The following KLHL13 variants were observed in gnomAD, a reference collection of about 807,000 sequenced individuals.
The protein encoded by KLHL13 is kelch like family member 13.
Under a neutral mutation model 37.1 loss-of-function variants are expected in KLHL13, and 10 were observed. The observed-to-expected ratio is 0.27, with a 90% CI of 0.17 to 0.46. The LOEUF is 0.46. Ranked by LOEUF, KLHL13 falls within the 20% of genes least tolerant of loss-of-function variation. The probability of loss-of-function intolerance (pLI) is 1.00; values close to 1 mark genes in which losing one functional copy is unlikely to be tolerated. For synonymous variants in KLHL13, 163 were observed against 181.2 expected, an observed-to-expected ratio of 0.90 and a Z score of 0.81; for missense variants, 360 against 509.3, an observed-to-expected ratio of 0.71 and a Z score of 2.82.
intron 4 of KLHL13, among the ~76,000 whole-genome samples, chrX:117,912,221 T>C (rs944070711): frequency 2.7e-5 from 3 of 111,915 alleles, no homozygotes; most frequent in Non-Finnish European, 5.6e-5. Context: ...AGATGTTTAT[T>C]AGTACAGTTA....
intron 1 of KLHL13, among the ~76,000 whole-genome samples, chrX:117,956,242 T>C (rs976301006): frequency 8.9e-6 from 1 of 112,224 alleles, no homozygotes; most frequent in African/African-American, 3.2e-5. Context: ...CATCATTACC[T>C]AAAATATTAA....
intron 1 of KLHL13, among the ~76,000 whole-genome samples, chrX:118,113,724 C>T (rs781316187): frequency 1.8e-5 from 2 of 112,014 alleles, no homozygotes; most frequent in East Asian, 5.6e-4. Context: ...ATCATATTCC[C>T]CTACTTATTT....
At chrX:118,072,061 A>G (rs1450538616) in intron 1 of KLHL13, among the ~76,000 whole-genome samples, 3 of 109,052 alleles carry the variant, frequency 2.8e-5, no homozygotes, top group East Asian at 2.9e-4. Context: ...GAGGCATCAC[A>G]CTACCTGACT....
At chrX:117,965,541 C>A (rs1436125047) in intron 1 of KLHL13, among the ~76,000 whole-genome samples, 2 of 111,493 alleles carry the variant, frequency 1.8e-5, no homozygotes, top group African/African-American at 6.5e-5. Context: ...GGAATCCTCC[C>A]TAACTCATTT....
chrX:117,968,257 T>C (rs1025325730), intron 1 of KLHL13, among the ~76,000 whole-genome samples: 27 of 111,868 alleles, frequency 2.4e-4, no homozygotes, highest in African/African-American at 8.4e-4. Context: ...GGAAAAGCTG[T>C]CCATGAATGG....
At chrX:117,972,608 T>C (rs1482658074) in intron 1 of KLHL13, 8 of 501,569 alleles carry the variant, frequency 1.6e-5, no homozygotes, top group African/African-American at 2.4e-5. Context: ...GTAAGCAAGC[T>C]TGAGGTTTTT....
chrX:117,961,087 G>T (rs377187019), intron 1 of KLHL13, among the ~76,000 whole-genome samples: 1 of 111,419 alleles, frequency 9.0e-6, no homozygotes, highest in South Asian at 3.7e-4. Context: ...TTGCAAAATC[G>T]ATGTAATCAA....
intron 1 of KLHL13, among the ~76,000 whole-genome samples, chrX:118,005,288 C>G (rs2053969064): frequency 2.7e-5 from 3 of 111,397 alleles, no homozygotes; most frequent in Admixed American, 9.6e-5. Context: ...ATGGAGGGCA[C>G]TGGGACAAAG....
intron 1 of KLHL13, among the ~76,000 whole-genome samples, chrX:117,970,022 A>T (rs141360551): frequency 0.036 from 3,981 of 111,768 alleles, 175 homozygotes; most frequent in African/African-American, 0.12. Context: ...TCACTAGCAC[A>T]GCAGTACTGC....
In KLHL13 at chrX:117,930,242, G is replaced by GGA. The variant is rs1932345542; in HGVS notation, c.241-9873_241-9872insTC. 1.4e-3 allele frequency among the ~76,000 whole-genome samples: 88 copies of GGA among 62,988 alleles called. 2 individuals carry two copies. The highest frequency in any genetic ancestry group is 6.5e-3 in the African/African-American group (83 of 12,736). 54.7% of individuals were successfully genotyped at this position (62,988 alleles called of 115,157 possible). On this transcript the variant is annotated intron_variant, in intron 2 of 6. Transcript: ENST00000262820. Reference sequence around the variant, plus strand: ...GAAGGAAGGAAGGAAGGAAGGAAGGGAGGAAGGAAGGAAGGAAGGAAGGAA... The same window carrying GGA: ...GAAGGAAGGAAGGAAGGAAGGAAGGGGAAGGAAGGAAGGAAGGAAGGAAGGAA...
intron 1 of KLHL13, among the ~76,000 whole-genome samples, chrX:118,010,891 G>A (rs1287885480): frequency 2.8e-5 from 3 of 108,644 alleles, no homozygotes; most frequent in East Asian, 2.9e-4. Context: ...TGGGCAACAC[G>A]GCAAAACCCC....
intron 1 of KLHL13, among the ~76,000 whole-genome samples, chrX:117,963,886 T>C (rs1238587038): frequency 9.7e-6 from 1 of 103,401 alleles, no homozygotes; most frequent in Non-Finnish European, 2.0e-5. Context: ...GTTCATGTCC[T>C]TTGTAGGGAC....
chrX:118,037,210 G>C (rs2054455877), intron 1 of KLHL13, among the ~76,000 whole-genome samples: 1 of 89,532 alleles, frequency 1.1e-5, no homozygotes, highest in African/African-American at 4.2e-5. Context: ...TCTAGAACTA[G>C]AAATACCATT....
At chrX:117,972,931 G>A (rs1026694822) in exon 1 of KLHL13, 15 of 1,110,769 alleles carry the variant, frequency 1.4e-5, no homozygotes, top group South Asian at 2.4e-5. Context: ...TGGCTGCCGC[G>A]GAGAACAAGC....
intron 2 of KLHL13, among the ~76,000 whole-genome samples, chrX:117,942,731 G>A (rs1281563409): frequency 9.0e-6 from 1 of 111,118 alleles, no homozygotes; most frequent in Admixed American, 9.7e-5. Flanking sequence ...GTCTTTGCAT[G>A]TGAGATGGGT....
chrX:117,965,147 C>T (rs2053396881), intron 1 of KLHL13, among the ~76,000 whole-genome samples: 1 of 111,446 alleles, frequency 9.0e-6, no homozygotes, highest in African/African-American at 3.3e-5. Flanking sequence ...GTTCTAGATC[C>T]CTGAGGAATG....
intron 1 of KLHL13, among the ~76,000 whole-genome samples, chrX:117,986,777 T>C (rs2053731358): frequency 8.9e-6 from 1 of 112,102 alleles, no homozygotes; most frequent in South Asian, 3.7e-4. Context: ...TTTGAGTCTA[T>C]GGTTTTAAAA....
intron 1 of KLHL13, among the ~76,000 whole-genome samples, chrX:117,952,708 G>GA (rs1223958835): frequency 9.2e-6 from 1 of 109,101 alleles, no homozygotes; most frequent in Non-Finnish European, 1.9e-5. Context: ...AAATTTACAA[G>GA]AAAAAAACAA....
At chrX:117,956,878 A>G (rs962391192) in intron 1 of KLHL13, among the ~76,000 whole-genome samples, 1 of 112,342 alleles carries the variant, frequency 8.9e-6, no homozygotes, top group Non-Finnish European at 1.9e-5. Context: ...CAATCTTTTC[A>G]TATGTCAAAG....
Sources: gnomAD v4.1 joint callset for allele counts (sites outside exome capture counted in the v4.1 genomes callset) on GRCh38, gnomAD v4.1.1 for gene constraint, MANE v1.5 for transcripts, NCBI Gene and HGNC (gene_info 2026-07-23, HGNC 2026-07-21) for gene names.